Variants in CLNK observed in about 807,000 individuals in gnomAD.
CLNK encodes the protein cytokine dependent hematopoietic cell linker, also known as cytokine-dependent hematopoietic cell linker.
In CLNK, 74 loss-of-function variants were observed where a neutral mutation model predicts 68.6. The observed-to-expected ratio is 1.08, with a 90% CI of 0.89 to 1.31. CLNK has a LOEUF of 1.31. CLNK is among the 50% of genes most tolerant of loss of function. The probability of loss-of-function intolerance (pLI) is 0.00; values close to 1 mark genes in which losing one functional copy is unlikely to be tolerated. For synonymous variants in CLNK, 198 were observed against 172.2 expected (o/e 1.15, Z -1.17); for missense variants, 553 against 515.3 (o/e 1.07, Z -0.71).
intron 2 of CLNK, among the ~76,000 whole-genome samples, chr4:10,636,898 A>T (rs7679370): frequency 0.32 from 48,548 of 151,976 alleles, 8,791 homozygotes; most frequent in African/African-American, 0.49. Flanking sequence ...CTATCATGAC[A>T]ATATATCCCT....
intron 9 of CLNK, 106 bp from the exon 10 acceptor site, chr4:10,542,147 C>G (rs1000565823): frequency 8.2e-7 from 1 of 1,225,166 alleles, no homozygotes. Flanking sequence ...TGTGATCAGA[C>G]TTATAAGACA....
intron 2 of CLNK, among the ~76,000 whole-genome samples, chr4:10,626,503 T>G (rs964731370): frequency 1.3e-5 from 2 of 152,208 alleles, no homozygotes; most frequent in Non-Finnish European, 2.9e-5. Context: ...TTTTGAAATT[T>G]AGTTTTTAAG....
At chr4:10,535,856 G>T (rs997415885) in intron 11 of CLNK, among the ~76,000 whole-genome samples, 2 of 152,096 alleles carry the variant, frequency 1.3e-5, no homozygotes, top group African/African-American at 4.8e-5. Context: ...GAGCAGAGCA[G>T]AAAAAATAAT....
In CLNK at chr4:10,491,277, T is replaced by C. The variant is rs75735946; in HGVS notation, c.1141-664A>G. ...AACCTTTCTATCCTAAGGACTCAGA[T>C]GGGTTAATTACACAGCAATCAAGCC... On this transcript the variant is annotated intron_variant, in intron 18 of 18. Transcript: ENST00000226951. 4.9e-4 allele frequency among the ~76,000 whole-genome samples: 75 copies of C among 152,318 alleles called. 1 individual carries two copies. In the East Asian group the frequency reaches 0.014, roughly 29 times the overall value.
chr4:10,727,277 C>T, the CLNK span, among the ~76,000 whole-genome samples: 1 of 152,180 alleles, frequency 6.6e-6, no homozygotes, highest in African/African-American at 2.4e-5. Context: ...GGAGGTTAAA[C>T]AAGCACAGTT....
intron 2 of CLNK, among the ~76,000 whole-genome samples, chr4:10,616,006 T>C (rs887014516): frequency 6.6e-6 from 1 of 152,242 alleles, no homozygotes; most frequent in African/African-American, 2.4e-5. Flanking sequence ...TGCACGCCAG[T>C]TGTTAAACAG....
At chr4:10,508,123 C>T (rs1159132051) in intron 16 of CLNK, 87 bp from the exon 17 acceptor site, 8 of 982,172 alleles carry the variant, frequency 8.1e-6, no homozygotes, top group Non-Finnish European at 1.2e-5. Context: ...ACTTTTGCTC[C>T]ACCAGTGCCT....
At chr4:10,587,984 G>A (rs1429838723) in intron 3 of CLNK, among the ~76,000 whole-genome samples, 2 of 152,168 alleles carry the variant, frequency 1.3e-5, no homozygotes, top group African/African-American at 4.8e-5. Context: ...ATCATTTATC[G>A]ACGGCCTGAG....
At chr4:10,624,145 T>C (rs1722565892) in intron 2 of CLNK, among the ~76,000 whole-genome samples, 1 of 152,222 alleles carries the variant, frequency 6.6e-6, no homozygotes, top group African/African-American at 2.4e-5. Flanking sequence ...ATCCAGAGCA[T>C]GTGAGCTGGA....
chr4:10,614,813 T>C (rs1197827601), intron 2 of CLNK, among the ~76,000 whole-genome samples: 1 of 152,226 alleles, frequency 6.6e-6, no homozygotes, highest in African/African-American at 2.4e-5. Context: ...GATTGTTTCC[T>C]ATGAGTACCC....
chr4:10,560,778 T>C (rs891209320), intron 7 of CLNK, among the ~76,000 whole-genome samples: 4 of 152,190 alleles, frequency 2.6e-5, no homozygotes, highest in African/African-American at 9.6e-5. Flanking sequence ...AATCTCAACA[T>C]AAATGTGCAG....
the CLNK span, among the ~76,000 whole-genome samples, chr4:10,717,193 C>T: frequency 6.6e-6 from 1 of 152,200 alleles, no homozygotes; most frequent in African/African-American, 2.4e-5. Context: ...AAAGCCCCCT[C>T]TCCATGTCAG....
chr4:10,505,144 G>C (rs564830893), intron 17 of CLNK, among the ~76,000 whole-genome samples: 2 of 152,148 alleles, frequency 1.3e-5, no homozygotes, highest in East Asian at 1.9e-4. Flanking sequence ...GGACAGCCAG[G>C]GTTGGAATCT....
intron 4 of CLNK, among the ~76,000 whole-genome samples, chr4:10,584,421 G>A (rs913536388): frequency 2.0e-5 from 3 of 152,152 alleles, no homozygotes; most frequent in Admixed American, 6.5e-5. Flanking sequence ...CCTCCCCAGT[G>A]AATACTACAT....
At chr4:10,716,601 T>C in the CLNK span, among the ~76,000 whole-genome samples, 1 of 151,416 alleles carries the variant, frequency 6.6e-6, no homozygotes, top group African/African-American at 2.4e-5. Flanking sequence ...CAAATACTGA[T>C]AGACACAGAT....
upstream of CLNK, among the ~76,000 whole-genome samples, chr4:10,689,483 C>T (rs995063698): frequency 6.6e-6 from 1 of 152,054 alleles, no homozygotes; most frequent in African/African-American, 2.4e-5. Flanking sequence ...AGAAAGAAGT[C>T]TTTGGTTTGG....
At chr4:10,549,060 G>C (rs1719345202) in intron 8 of CLNK, among the ~76,000 whole-genome samples, 1 of 152,090 alleles carries the variant, frequency 6.6e-6, no homozygotes, top group Non-Finnish European at 1.5e-5. Flanking sequence ...TTATAATGTA[G>C]GATTATTTTT....
the CLNK span, among the ~76,000 whole-genome samples, chr4:10,693,867 C>T: frequency 6.6e-6 from 1 of 152,080 alleles, no homozygotes; most frequent in Non-Finnish European, 1.5e-5. Context: ...TGCATATGGA[C>T]CATAACCATG....
rs926820921 is a variant in CLNK, at chr4:10,525,361, G to T, written c.731+480C>A. ...ATTACAGGCGTGAGCCACCGCGCCC[G>T]GCCAAGCCTTGGCTTCTTTAACTCT... On this transcript the variant is annotated intron_variant, in intron 14 of 18. Coordinates refer to ENST00000226951, the MANE Select transcript of CLNK (RefSeq NM_052964.4). Among the ~76,000 whole-genome samples, 6 of 152,132 alleles carry T rather than the reference G, an allele frequency of 3.9e-5. 1 individual carries two copies. The highest frequency in any genetic ancestry group is 3.9e-4 in the Admixed American group (6 of 15,280).
Sources: gnomAD v4.1 joint callset for allele counts (sites outside exome capture counted in the v4.1 genomes callset) on GRCh38, gnomAD v4.1.1 for gene constraint, MANE v1.5 for transcripts, NCBI Gene and HGNC (gene_info 2026-07-23, HGNC 2026-07-21) for gene names.